The following GNAL variants were observed in gnomAD, a reference collection of about 807,000 sequenced individuals.
GNAL encodes the protein G protein subunit alpha L, also known as guanine nucleotide-binding protein G(olf) subunit alpha.
Under a neutral mutation model 55.1 loss-of-function variants are expected in GNAL, and 18 were observed. The ratio of observed to expected loss-of-function variants is 0.33; its 90% confidence interval spans 0.23 to 0.48. GNAL has a LOEUF of 0.48. Among genes scored for constraint, GNAL ranks in the 20% least tolerant of loss-of-function variants. The pLI is 0.99. For missense variants in GNAL, 412 were observed against 614.1 expected (o/e 0.67, Z 3.48); for synonymous variants, 253 against 237.0 (o/e 1.07, Z -0.62).
chr18:11,787,484 C>T (rs1405101048), intron 4 of GNAL, among the ~76,000 whole-genome samples: 1 of 152,136 alleles, frequency 6.6e-6, no homozygotes, highest in African/African-American at 2.4e-5. Context: ...ATATAAGATA[C>T]AGATACAGAA....
At position 11,884,593 on chromosome 18, in the gene GNAL, T is replaced by C; in HGVS notation, c.*3458T>C. On this transcript the variant is annotated 3_prime_UTR_variant, in exon 12 of 12. Coordinates refer to ENST00000334049, the MANE Select transcript of GNAL (RefSeq NM_182978.4). ...CACATCCTCACGTGGGAGGTAGCAC[T>C]TGGAGAGGGTGTAGTCTGTGGGCGT... The C allele has an allele frequency of 6.2e-7, 1 of 1,613,812 alleles. No homozygotes were observed. The highest frequency in any genetic ancestry group is 8.5e-7 in the Non-Finnish European group (1 of 1,180,004).
intron 5 of GNAL, among the ~76,000 whole-genome samples, chr18:11,843,461 G>A (rs1029731502): frequency 1.3e-5 from 2 of 151,968 alleles, no homozygotes; most frequent in African/African-American, 4.8e-5. Flanking sequence ...GGAGGTGGAG[G>A]TTGCAGTGAG....
chr18:11,760,538 G>A (rs943900762), intron 4 of GNAL, among the ~76,000 whole-genome samples: 4 of 152,200 alleles, frequency 2.6e-5, no homozygotes, highest in Non-Finnish European at 5.9e-5. Context: ...AGTATTTTCA[G>A]ATGTAATTAA....
chr18:11,721,774 C>T (rs1243293571), intron 1 of GNAL, among the ~76,000 whole-genome samples: 4 of 151,710 alleles, frequency 2.6e-5, no homozygotes, highest in African/African-American at 4.8e-5. Context: ...CTCAAACTCC[C>T]GACATCAGGT....
chr18:11,718,470 G>T (rs905494469), intron 1 of GNAL, among the ~76,000 whole-genome samples: 2 of 152,056 alleles, frequency 1.3e-5, no homozygotes, highest in Non-Finnish European at 2.9e-5. Context: ...ATAATGCACC[G>T]TTTATTTTTC....
At chr18:11,798,409 CA>C (rs1305754941) in intron 4 of GNAL, among the ~76,000 whole-genome samples, 1 of 152,158 alleles carries the variant, frequency 6.6e-6, no homozygotes, top group Non-Finnish European at 1.5e-5. Flanking sequence ...TCCTATCGAA[CA>C]AACTAGACAG....
Position 11,858,513 on chromosome 18 carries a change from T to G in GNAL, c.723-3882T>G, listed in dbSNP as rs1371406937. The stretch of plus-strand genomic sequence containing the variant: ...TTCTATGTATGATTTGGGAGACCCC[T>G]TTAAAATTCTCTCTATGTATGTAAT... On this transcript the variant is annotated intron_variant, in intron 5 of 11. Transcript: ENST00000334049. Among the ~76,000 whole-genome samples the G allele has an allele frequency of 2.0e-5, 3 of 152,320 alleles. No homozygotes were observed. The East Asian group carries it at 5.8e-4, about 29-fold the overall frequency.
intron 4 of GNAL, among the ~76,000 whole-genome samples, chr18:11,802,080 T>A (rs899958641): frequency 3.3e-5 from 5 of 152,174 alleles, no homozygotes; most frequent in Admixed American, 1.3e-4. Context: ...TTAGGGACAT[T>A]TTTTTTCTGG....
intron 5 of GNAL, among the ~76,000 whole-genome samples, chr18:11,834,827 G>A (rs146390749): frequency 3.2e-4 from 49 of 152,310 alleles, no homozygotes; most frequent in African/African-American, 8.4e-4. Flanking sequence ...TATTTATAGC[G>A]TTGGGTTATG....
At chr18:11,827,952 CA>C (rs1456731610) in intron 5 of GNAL, among the ~76,000 whole-genome samples, 3 of 139,342 alleles carry the variant, frequency 2.2e-5, no homozygotes, top group Admixed American at 7.8e-5. Flanking sequence ...GCCTGGGCGA[CA>C]GAGCGAGACT....
chr18:11,775,240 C>T (rs778212683), intron 4 of GNAL, among the ~76,000 whole-genome samples: 4 of 152,188 alleles, frequency 2.6e-5, no homozygotes, highest in Non-Finnish European at 5.9e-5. Context: ...AACTGTGGAC[C>T]CTTGCTTTGT....
intron 4 of GNAL, among the ~76,000 whole-genome samples, chr18:11,768,677 G>A (rs1255746709): frequency 2.0e-5 from 3 of 150,080 alleles, no homozygotes; most frequent in Non-Finnish European, 4.4e-5. Context: ...GGCGGATCAC[G>A]AGGTCAGGAG....
At chr18:11,730,315 C>T (rs113613071) in intron 1 of GNAL, among the ~76,000 whole-genome samples, 13 of 151,892 alleles carry the variant, frequency 8.6e-5, no homozygotes, top group Admixed American at 5.2e-4. Flanking sequence ...GCCGGCACCA[C>T]GCCCAGCTAA....
chr18:11,820,066 A>C (rs1307421866), intron 4 of GNAL, among the ~76,000 whole-genome samples: 1 of 152,186 alleles, frequency 6.6e-6, no homozygotes, highest in Admixed American at 6.5e-5. Flanking sequence ...CCTAGGGTTG[A>C]TATAATTGTG....
At position 11,769,003 on chromosome 18, in the gene GNAL, AAT is replaced by A. The variant is rs531828796; in HGVS notation, c.624+15067_624+15068del. Among the ~76,000 whole-genome samples the A allele has an allele frequency of 1.7e-4, 17 of 101,424 alleles. 1 individual carries two copies. Among genetic ancestry groups the A allele is most frequent in the African/African-American group, 8.4e-4 (13 of 15,546 alleles). 66.5% of individuals were successfully genotyped at this position (101,424 alleles called of 152,430 possible). A position where few individuals can be genotyped will look rare whatever the true frequency, so the allele number is the denominator to read the frequency against. ...TTATATATTCTATATTATAATATAG[AAT>A]ATATATATTCTATATTATAATATAT... On this transcript the variant is annotated intron_variant, in intron 4 of 11. Transcript: ENST00000334049.
chr18:11,846,357 CTA>C (rs2035734156), intron 5 of GNAL, among the ~76,000 whole-genome samples: 1 of 151,056 alleles, frequency 6.6e-6, no homozygotes, highest in Non-Finnish European at 1.5e-5. Context: ...TGCTGCTGTT[CTA>C]TTTCTTTCTC....
At chr18:11,702,998 A>G (rs559327798) in intron 1 of GNAL, among the ~76,000 whole-genome samples, 1 of 152,236 alleles carries the variant, frequency 6.6e-6, no homozygotes, top group African/African-American at 2.4e-5. Context: ...CGAGCCTGTA[A>G]TCCCAGCTAG....
At chr18:11,786,055 A>T (rs952690197) in intron 4 of GNAL, among the ~76,000 whole-genome samples, 1 of 152,208 alleles carries the variant, frequency 6.6e-6, no homozygotes, top group African/African-American at 2.4e-5. Flanking sequence ...AGGGTGAAGC[A>T]TTCTGACTCC....
rs182262644 is a variant in GNAL, at chr18:11,753,861, A to G, written c.540A>G (p.Pro180=). 72 of 1,609,280 alleles carry G rather than the reference A, an allele frequency of 4.5e-5. No homozygotes were observed. In the African/African-American group the frequency reaches 8.7e-4, roughly 19 times the overall value. The change falls in exon 4 of 12, where the codon CCA becomes CCG. Residue 180 remains proline, a synonymous_variant. Coordinates refer to ENST00000334049, the MANE Select transcript of GNAL (RefSeq NM_182978.4). The part of the protein sequence containing the change: ...IVSAMSTIIP[P]VPLANPENQF... ...CAGCAATGAGTACTATAATACCTCC[A>G]GTTCCGCTGGCCAACCCTGAAAACC...
Sources: gnomAD v4.1 joint callset for allele counts (sites outside exome capture counted in the v4.1 genomes callset) on GRCh38, gnomAD v4.1.1 for gene constraint, MANE v1.5 for transcripts, NCBI Gene and HGNC (gene_info 2026-07-23, HGNC 2026-07-21) for gene names.